Variants in RERE observed in about 807,000 individuals in gnomAD.
RERE encodes arginine-glutamic acid dipeptide repeats protein.
A neutral mutation model predicts 146.1 loss-of-function variants in RERE; 40 were observed. That is an observed-to-expected ratio of 0.27 (90% CI 0.21 to 0.36). The LOEUF is 0.36. Among genes scored for constraint, RERE ranks in the 10% least tolerant of loss-of-function variants. RERE has a pLI of 1.00. For missense variants in RERE, 1,933 were observed against 2,138.7 expected, an observed-to-expected ratio of 0.90 and a Z score of 1.90; for synonymous variants, 1,003 against 866.0, an observed-to-expected ratio of 1.16 and a Z score of -2.78.
chr1:8,728,815 A>T (rs1332247723), intron 1 of RERE, among the ~76,000 whole-genome samples: 1 of 152,234 alleles, frequency 6.6e-6, no homozygotes, highest in Non-Finnish European at 1.5e-5. Context: ...TAAGATTTCC[A>T]CAGGCTCTGA....
intron 1 of RERE, among the ~76,000 whole-genome samples, chr1:8,721,206 A>G (rs1479056626): frequency 6.6e-6 from 1 of 152,208 alleles, no homozygotes; most frequent in Non-Finnish European, 1.5e-5. Context: ...CTGCTTCCCC[A>G]AGCCCCTGAA....
chr1:8,721,709 G>C (rs1389844016), intron 1 of RERE, among the ~76,000 whole-genome samples: 2 of 152,120 alleles, frequency 1.3e-5, no homozygotes, highest in African/African-American at 4.8e-5. Context: ...TCTCTCTGTT[G>C]GAAGGGTTGC....
In RERE at chr1:8,571,770, A is replaced by AAGGC. The variant is rs547454606; in HGVS notation, c.523-14251_523-14248dup. Among the ~76,000 whole-genome samples, 70 of 152,356 alleles carry AAGGC rather than the reference A, an allele frequency of 4.6e-4. No homozygotes were observed. The East Asian group carries it at 0.01, about 22-fold the overall frequency. On this transcript the variant is annotated intron_variant, in intron 4 of 22. Transcript: ENST00000400908. ...ATCTTGGTGCACATGCCAGACAACA[A>AAGGC]AGGCCCACTGGCCTGCTGGAGAGGA...
chr1:8,659,953 T>C (rs1349774697), intron 1 of RERE, among the ~76,000 whole-genome samples: 2 of 152,284 alleles, frequency 1.3e-5, no homozygotes, highest in East Asian at 1.9e-4. Context: ...AAGATGTCTA[T>C]AAAACAAAAT....
chr1:8,735,884 T>G (rs1442137092), intron 1 of RERE, among the ~76,000 whole-genome samples: 1 of 152,186 alleles, frequency 6.6e-6, no homozygotes, highest in Admixed American at 6.5e-5. Context: ...TACTGTGAGC[T>G]AACTAAACCT....
At chr1:8,549,003 C>A (rs1034233210) in intron 6 of RERE, among the ~76,000 whole-genome samples, 2 of 152,026 alleles carry the variant, frequency 1.3e-5, no homozygotes, top group African/African-American at 4.8e-5. Flanking sequence ...AAAATAAAAT[C>A]TTCTAGTGTT....
chr1:8,378,100 G>A (rs537367254), intron 12 of RERE, among the ~76,000 whole-genome samples: 91 of 152,192 alleles, frequency 6.0e-4, no homozygotes, highest in Non-Finnish European at 1.2e-3. Context: ...GAAAAGAAAG[G>A]GTACTTAATT....
intron 6 of RERE, among the ~76,000 whole-genome samples, chr1:8,552,540 T>C (rs1003269684): frequency 2.6e-5 from 4 of 152,190 alleles, no homozygotes; most frequent in Non-Finnish European, 5.9e-5. Context: ...TACTGGTTTA[T>C]AACTATGGAG....
At chr1:8,508,071 A>G (rs1307970325) in intron 8 of RERE, among the ~76,000 whole-genome samples, 1 of 152,200 alleles carries the variant, frequency 6.6e-6, no homozygotes, top group Non-Finnish European at 1.5e-5. Context: ...TATGTGATCA[A>G]GTGTTCATCA....
intron 1 of RERE, among the ~76,000 whole-genome samples, chr1:8,752,760 T>G (rs1640564565): frequency 6.6e-6 from 1 of 152,148 alleles, no homozygotes; most frequent in Non-Finnish European, 1.5e-5. Flanking sequence ...CAGAGACAGT[T>G]TGTGTTGGAA....
intron 1 of RERE, among the ~76,000 whole-genome samples, chr1:8,744,187 T>C (rs189291784): frequency 2.0e-5 from 3 of 152,338 alleles, no homozygotes; most frequent in African/African-American, 4.8e-5. Context: ...CAAAATGAAA[T>C]TGTTATTCCA....
rs766558064 is a variant in RERE at position 8,449,606 on chromosome 1, T to C, written c.1203+16319A>G. Among the ~76,000 whole-genome samples the C allele has an allele frequency of 6.0e-4, 91 of 152,356 alleles. 1 individual carries two copies. The highest frequency in any genetic ancestry group is 2.3e-3 in the South Asian group (11 of 4,832). On this transcript the variant is annotated intron_variant, in intron 11 of 22. Coordinates refer to ENST00000400908, the MANE Select transcript of RERE (RefSeq NM_001042681.2). ...CATCTAGGTATGAAAAACGCACAGA[T>C]TGCTCTGTCAAAGACCACTACGTGA...
At chr1:8,778,926 C>A (rs557721734) in intron 1 of RERE, among the ~76,000 whole-genome samples, 1 of 152,244 alleles carries the variant, frequency 6.6e-6, no homozygotes, top group African/African-American at 2.4e-5. Context: ...TGGCTCACTG[C>A]AACCTCCATC....
At chr1:8,416,788 C>T (rs1187856164) in intron 12 of RERE, among the ~76,000 whole-genome samples, 3 of 152,136 alleles carry the variant, frequency 2.0e-5, no homozygotes, top group Non-Finnish European at 2.9e-5. Context: ...GCTCAGAATT[C>T]TGCAAGTCTG....
At chr1:8,476,562 C>T (rs1644759347) in intron 10 of RERE, among the ~76,000 whole-genome samples, 1 of 152,216 alleles carries the variant, frequency 6.6e-6, no homozygotes, top group African/African-American at 2.4e-5. Context: ...AAAACACTCA[C>T]AGTGCTAAAT....
intron 10 of RERE, among the ~76,000 whole-genome samples, chr1:8,481,343 T>C (rs1644831459): frequency 6.6e-6 from 1 of 152,138 alleles, no homozygotes; most frequent in African/African-American, 2.4e-5. Context: ...CTCAATCTGT[T>C]GACCTCGTGA....
chr1:8,708,905 GTTTTT>G (rs35403792), intron 1 of RERE, among the ~76,000 whole-genome samples: 26 of 72,322 alleles, frequency 3.6e-4, no homozygotes, highest in East Asian at 1.6e-3. Flanking sequence ...AAACTCTGGA[GTTTTT>G]TTTTTTTTTT....
chr1:8,766,086 C>A (rs1391258605), intron 1 of RERE, among the ~76,000 whole-genome samples: 1 of 152,128 alleles, frequency 6.6e-6, no homozygotes, highest in Non-Finnish European at 1.5e-5. Context: ...GCACTCCAGC[C>A]TGGGCAACAA....
intron 6 of RERE, among the ~76,000 whole-genome samples, chr1:8,546,355 CAGG>C (rs1645862675): frequency 6.6e-6 from 1 of 151,668 alleles, no homozygotes; most frequent in African/African-American, 2.4e-5. Context: ...CCCTTTTGCC[CAGG>C]AGTTGCTTAA....
Sources: allele counts gnomAD v4.1 joint callset (sites outside exome capture counted in the v4.1 genomes callset), GRCh38; gene constraint gnomAD v4.1.1; transcripts MANE v1.5; gene names NCBI Gene and HGNC (gene_info 2026-07-23, HGNC 2026-07-21).